ZNF75D: variants seen among roughly 807,000 people sequenced by gnomAD.
ZNF75D encodes zinc finger protein 75.
Under a neutral mutation model 33.3 loss-of-function variants are expected in ZNF75D, and 33 were observed. That is an observed-to-expected ratio of 0.99 (90% CI 0.75 to 1.32). ZNF75D has a LOEUF of 1.32. Ranked by LOEUF, ZNF75D falls within the 40% of genes most tolerant of loss-of-function variation. The probability of loss-of-function intolerance (pLI) is 0.00; values close to 1 mark genes in which losing one functional copy is unlikely to be tolerated. For synonymous variants in ZNF75D, 113 were observed against 130.6 expected, an observed-to-expected ratio of 0.87 and a Z score of 0.92; for missense variants, 338 against 367.5, an observed-to-expected ratio of 0.92 and a Z score of 0.66.
intron 1 of ZNF75D, chrX:135,309,746 T>C (rs1050674084): frequency 1.4e-5 from 4 of 291,604 alleles, no homozygotes; most frequent in African/African-American, 8.3e-5. Flanking sequence ...ACATTAATTA[T>C]AATTAGAACA....
chrX:135,314,233 CATCT>C (rs1269662745), intron 1 of ZNF75D, among the ~76,000 whole-genome samples: 1 of 111,978 alleles, frequency 8.9e-6, no homozygotes, highest in Non-Finnish European at 1.9e-5. Context: ...TTTTTTTCTG[CATCT>C]ATCAAGATGA....
chrX:135,306,962 C>T (rs2084294600), intron 1 of ZNF75D, among the ~76,000 whole-genome samples: 1 of 111,276 alleles, frequency 9.0e-6, no homozygotes, highest in Admixed American at 9.5e-5. Context: ...ATCCACCCAC[C>T]TCAGCCTTCC....
intron 1 of ZNF75D, among the ~76,000 whole-genome samples, chrX:135,340,613 G>A (rs1472273441): frequency 8.9e-6 from 1 of 111,960 alleles, no homozygotes; most frequent in Admixed American, 9.4e-5. Context: ...CACAGTGTCC[G>A]GGGACTCTGT....
At chrX:135,263,262 C>T (rs1325617691) in intron 1 of ZNF75D, among the ~76,000 whole-genome samples, 1 of 113,048 alleles carries the variant, frequency 8.8e-6, no homozygotes, top group East Asian at 2.8e-4. Context: ...AGTTGGGCTA[C>T]ACAGGGGTCA....
intron 1 of ZNF75D, among the ~76,000 whole-genome samples, chrX:135,257,838 A>T (rs1175678264): frequency 9.0e-6 from 1 of 111,473 alleles, no homozygotes; most frequent in African/African-American, 3.3e-5. Context: ...CATTATTATT[A>T]TACTTTAAAT....
At position 135,263,893 on chromosome X, in the gene ZNF75D, T is replaced by C. The variant is rs782798813; in HGVS notation, n.828-8116A>G. Among the ~76,000 whole-genome samples the C allele has an allele frequency of 7.1e-5, 8 of 112,287 alleles. No individual in the cohort carries two copies. The South Asian group carries it at 3.0e-3, about 42-fold the overall frequency. On this transcript the variant is annotated intron_variant and non_coding_transcript_variant, in intron 1 of 3. Coordinates refer to the ZNF75D transcript ENST00000494295. ...GGAAATGTAGAAATCACGCATCTTC[T>C]GAGTCGATCACGCTGGGAGCTGCAG...
At chrX:135,326,046 T>G (rs1415555749) in intron 1 of ZNF75D, among the ~76,000 whole-genome samples, 3 of 109,942 alleles carry the variant, frequency 2.7e-5, no homozygotes, top group Non-Finnish European at 3.8e-5. Context: ...GCTACTCTGG[T>G]GGGGCCTTGG....
intron 1 of ZNF75D, among the ~76,000 whole-genome samples, chrX:135,326,891 G>A (rs782533617): frequency 3.6e-5 from 4 of 112,087 alleles, no homozygotes; most frequent in African/African-American, 1.3e-4. Context: ...CTCCAGACGC[G>A]CCACCTTAAG....
chrX:135,280,626 C>T (rs916082255), intron 1 of ZNF75D, among the ~76,000 whole-genome samples: 9 of 111,731 alleles, frequency 8.1e-5, no homozygotes, highest in South Asian at 7.5e-4. Context: ...TGGCTGGTAC[C>T]GGTTTTTCCT....
chrX:135,341,696 C>T (rs1248609484), intron 1 of ZNF75D, 72 bp downstream of exon 1: 3 of 112,235 alleles, frequency 2.7e-5, no homozygotes, highest in African/African-American at 9.7e-5. Flanking sequence ...ATACCATACT[C>T]CTAGAGAGAT....
rs1261329316 is a variant in ZNF75D, at chrX:135,287,820, T to G, written c.850A>C (p.Asn284His). 3.2e-5 allele frequency: 38 copies of G among 1,205,340 alleles called. No individual in the cohort carries two copies. The Middle Eastern group carries it at 6.9e-4, about 22-fold the overall frequency. The stretch of plus-strand genomic sequence containing the variant: ...GTAGAAACAGATATAGGATGATCAT[T>G]TCCAGTGTCATTTTTTAGCTTTAAC... ...LGLKLKNDTG[N>H]DHPISVSTSE... The change falls in exon 7 of 7, where the codon AAT (asparagine) becomes CAT (histidine). Residue 284 changes from asparagine to histidine, a missense_variant. Physicochemically the swap from Asn to His is moderately conservative, Grantham distance 68. Transcript: ENST00000370766.
At chrX:135,292,173 T>A in intron 4 of ZNF75D, 108 bp downstream of exon 4, 2 of 779,635 alleles carry the variant, frequency 2.6e-6, no homozygotes, top group South Asian at 4.9e-5. Context: ...CTGGGAGACA[T>A]CATAGCTGCT....
At chrX:135,334,417 G>A (rs1465296460) in intron 1 of ZNF75D, among the ~76,000 whole-genome samples, 1 of 111,869 alleles carries the variant, frequency 8.9e-6, no homozygotes, top group Non-Finnish European at 1.9e-5. Context: ...CACTTCCTGT[G>A]GAGCTTGACC....
intron 1 of ZNF75D, among the ~76,000 whole-genome samples, chrX:135,333,200 G>A (rs2084671599): frequency 8.9e-6 from 1 of 111,826 alleles, no homozygotes; most frequent in African/African-American, 3.3e-5. Context: ...CCCTAACAGA[G>A]AAATTCTTGG....
intron 6 of ZNF75D, among the ~76,000 whole-genome samples, chrX:135,289,488 C>G (rs1315006990): frequency 9.0e-6 from 1 of 111,140 alleles, no homozygotes; most frequent in Non-Finnish European, 1.9e-5. Context: ...TGGTGCCACA[C>G]ACCTGTAGTC....
chrX:135,290,671 TTG>T (rs1183243314), intron 6 of ZNF75D, among the ~76,000 whole-genome samples: 1 of 112,893 alleles, frequency 8.9e-6, no homozygotes, highest in African/African-American at 3.2e-5. Flanking sequence ...ATTGTTATTG[TTG>T]TTGATTTACA....
chrX:135,271,933 G>T (rs1379784304), intron 1 of ZNF75D, among the ~76,000 whole-genome samples: 1 of 111,059 alleles, frequency 9.0e-6, no homozygotes, highest in Non-Finnish European at 1.9e-5. Context: ...GTTTTTTGTT[G>T]TTGTTTTGTT....
intron 1 of ZNF75D, among the ~76,000 whole-genome samples, chrX:135,257,667 T>G (rs1359722831): frequency 8.9e-6 from 1 of 112,273 alleles, no homozygotes; most frequent in Non-Finnish European, 1.9e-5. Flanking sequence ...ACAGTCCCAG[T>G]GGTGGTAGCC....
At chrX:135,335,887 G>A (rs1348481722) in intron 1 of ZNF75D, among the ~76,000 whole-genome samples, 3 of 111,475 alleles carry the variant, frequency 2.7e-5, no homozygotes. Context: ...CCTCTTAAAG[G>A]TTACCACTAT....
Sources: allele counts gnomAD v4.1 joint callset (sites outside exome capture counted in the v4.1 genomes callset), GRCh38; gene constraint gnomAD v4.1.1; transcripts MANE v1.5; gene names NCBI Gene and HGNC (gene_info 2026-07-23, HGNC 2026-07-21).